Variants in RPS6KA2 observed in about 807,000 individuals in gnomAD.
The protein encoded by RPS6KA2 is ribosomal protein S6 kinase A2, also known as ribosomal protein S6 kinase alpha-2.
RPS6KA2 carries 42 observed loss-of-function variants against 91.8 expected under a neutral mutation model. The observed-to-expected ratio is 0.46, with a 90% confidence interval of 0.36 to 0.59. RPS6KA2 has a LOEUF of 0.59. Ranked by LOEUF, RPS6KA2 falls within the 20% of genes least tolerant of loss-of-function variation. The pLI is 0.00. For missense variants in RPS6KA2, 798 were observed against 978.5 expected, an observed-to-expected ratio of 0.82 and a Z score of 2.46; for synonymous variants, 414 against 393.6, an observed-to-expected ratio of 1.05 and a Z score of -0.61.
chr6:166,572,978 G>C (rs1291179001), intron 1 of RPS6KA2, among the ~76,000 whole-genome samples: 1 of 152,246 alleles, frequency 6.6e-6, no homozygotes, highest in Non-Finnish European at 1.5e-5. Flanking sequence ...CGGAGCACAG[G>C]AAAGGAAGAG....
At chr6:166,833,941 C>T (rs142206993) in intron 2 of RPS6KA2, among the ~76,000 whole-genome samples, 24 of 151,306 alleles carry the variant, frequency 1.6e-4, no homozygotes, top group African/African-American at 5.3e-4. Flanking sequence ...ACTATGTTGA[C>T]CAGGCTGGTC....
At chr6:166,602,661 G>A (rs1785788372) in intron 1 of RPS6KA2, among the ~76,000 whole-genome samples, 1 of 152,202 alleles carries the variant, frequency 6.6e-6, no homozygotes, top group Non-Finnish European at 1.5e-5. Flanking sequence ...ACAATACAGT[G>A]TTTAGGATAC....
intron 3 of RPS6KA2, among the ~76,000 whole-genome samples, chr6:166,516,940 TA>T (rs1782667121): frequency 1.3e-5 from 2 of 152,172 alleles, no homozygotes; most frequent in Non-Finnish European, 2.9e-5. Flanking sequence ...ATCCTCTAAA[TA>T]GGACTGATGT....
intron 2 of RPS6KA2, among the ~76,000 whole-genome samples, chr6:166,704,854 A>G (rs1789631255): frequency 6.6e-6 from 1 of 152,156 alleles, no homozygotes; most frequent in African/African-American, 2.4e-5. Context: ...TCCTTATTAC[A>G]GTAAAGTTCT....
At position 166,434,218 on chromosome 6, in the gene RPS6KA2, G is replaced by A. The variant is rs576540801; in HGVS notation, c.1333-1728C>T. 5.9e-5 allele frequency among the ~76,000 whole-genome samples: 9 copies of A among 152,104 alleles called. No individual in the cohort carries two copies. The highest frequency in any genetic ancestry group is 5.9e-5 in the Non-Finnish European group (4 of 68,028). ...ATAGTTTCAAAGGATGCTCTGCCAC[G>A]GCCACCATTCAGCTGTGACTGCATC... On this transcript the variant is annotated intron_variant, in intron 14 of 20. Coordinates refer to ENST00000265678, the MANE Select transcript of RPS6KA2 (RefSeq NM_021135.6). The surrounding 1 kb of genome is among the most constrained non-coding windows in gnomAD (Gnocchi z 4.4).
At chr6:166,461,979 G>A (rs1369053092) in intron 11 of RPS6KA2, among the ~76,000 whole-genome samples, 3 of 152,220 alleles carry the variant, frequency 2.0e-5, no homozygotes, top group Non-Finnish European at 2.9e-5. Flanking sequence ...ACTGCTGGCT[G>A]CCACACCTGT....
intron 2 of RPS6KA2, among the ~76,000 whole-genome samples, chr6:166,637,619 G>T (rs971549347): frequency 8.5e-5 from 13 of 152,382 alleles, no homozygotes; most frequent in Non-Finnish European, 1.8e-4. Flanking sequence ...AGAACTTAAA[G>T]TCAGTGTGGG....
At chr6:166,617,674 C>T (rs979318009) in intron 1 of RPS6KA2, among the ~76,000 whole-genome samples, 7 of 152,186 alleles carry the variant, frequency 4.6e-5, no homozygotes, top group African/African-American at 1.7e-4. Flanking sequence ...AATTTAGGCA[C>T]GTAGTGAATA....
chr6:166,605,188 T>C (rs1486110215), intron 1 of RPS6KA2, among the ~76,000 whole-genome samples: 1 of 152,220 alleles, frequency 6.6e-6, no homozygotes, highest in African/African-American at 2.4e-5. Flanking sequence ...GGGCCTTGGG[T>C]GTTGCCAGTA....
intron 2 of RPS6KA2, among the ~76,000 whole-genome samples, chr6:166,775,531 C>T (rs183779361): frequency 1.8e-4 from 28 of 152,328 alleles, no homozygotes; most frequent in Non-Finnish European, 4.4e-5. Context: ...CTAATTTACA[C>T]AGGGTCCACG....
At chr6:166,503,744 G>C (rs1782100881) in intron 6 of RPS6KA2, among the ~76,000 whole-genome samples, 2 of 152,162 alleles carry the variant, frequency 1.3e-5, no homozygotes, top group Non-Finnish European at 2.9e-5. Context: ...TTATGTGTCA[G>C]GTCTACAAAG....
intron 1 of RPS6KA2, among the ~76,000 whole-genome samples, chr6:166,572,070 C>A (rs11752048): frequency 0.025 from 3,857 of 152,194 alleles, 54 homozygotes; most frequent in Non-Finnish European, 0.038. Context: ...CACTATAATA[C>A]TCAGTTTCAT....
chr6:166,677,261 C>T (rs904344304), intron 2 of RPS6KA2, among the ~76,000 whole-genome samples: 1 of 152,092 alleles, frequency 6.6e-6, no homozygotes, highest in East Asian at 1.9e-4. Flanking sequence ...AGAGGCAGAA[C>T]CGCCTGATTC....
chr6:166,691,783 C>G (rs984881194), intron 2 of RPS6KA2, among the ~76,000 whole-genome samples: 3 of 152,204 alleles, frequency 2.0e-5, no homozygotes, highest in Non-Finnish European at 2.9e-5. Flanking sequence ...TACAAAAGAA[C>G]AATGCTAACT....
chr6:166,726,026 G>A lies in RPS6KA2; in HGVS notation c.123+132174C>T, dbSNP rs762006033. On this transcript the variant is annotated intron_variant, in intron 2 of 21. Transcript: ENST00000503859. This position sits in a 1 kb window ranked among gnomAD's most constrained non-coding sequence, Gnocchi z 4.4. The stretch of plus-strand genomic sequence containing the variant: ...AGCTGATCAGAAAAGATTGTTTTCA[G>A]GCCAAGAGTAAGATGTAAGAATGTG... Among the ~76,000 whole-genome samples the A allele has an allele frequency of 2.0e-5, 3 of 152,220 alleles. No individual in the cohort carries two copies. Among genetic ancestry groups the A allele is most frequent in the Non-Finnish European group, 2.9e-5 (2 of 68,034 alleles).
Position 166,665,888 on chromosome 6 carries a change from C to A in RPS6KA2, c.124-127104G>T, listed in dbSNP as rs1788301965. On this transcript the variant is annotated intron_variant, in intron 2 of 21. Coordinates refer to the RPS6KA2 transcript ENST00000503859. The surrounding 1 kb of genome is among the most constrained non-coding windows in gnomAD (Gnocchi z 4.5). ...TCTGCTCAGCACGGCCCCCAGCCTG[C>A]TTCCTGGGCAGGAAATTCACATGTG... Among the ~76,000 whole-genome samples the A allele has an allele frequency of 6.6e-6, 1 of 152,212 alleles. No individual in the cohort carries two copies. Among genetic ancestry groups the A allele is most frequent in the Non-Finnish European group, 1.5e-5 (1 of 68,046 alleles).
chr6:166,651,231 A>T (rs1438993238), intron 2 of RPS6KA2, among the ~76,000 whole-genome samples: 1 of 152,250 alleles, frequency 6.6e-6, no homozygotes, highest in African/African-American at 2.4e-5. Context: ...AGCAGAACAT[A>T]TTCTCTACTT....
chr6:166,630,419 T>C (rs891007980), upstream of RPS6KA2, among the ~76,000 whole-genome samples: 1 of 152,268 alleles, frequency 6.6e-6, no homozygotes, highest in African/African-American at 2.4e-5. Context: ...TAAATTGCAC[T>C]TCAAGTGAAA....
intron 2 of RPS6KA2, among the ~76,000 whole-genome samples, chr6:166,692,234 GAGAAA>G (rs1361341090): frequency 6.6e-6 from 1 of 152,114 alleles, no homozygotes; most frequent in Admixed American, 6.5e-5. Context: ...AGGCGATAGA[GAGAAA>G]AGAAAAGTAA....
Sources: allele counts gnomAD v4.1 joint callset (sites outside exome capture counted in the v4.1 genomes callset), GRCh38; gene constraint gnomAD v4.1.1; non-coding constraint Gnocchi (gnomAD v3.1); transcripts MANE v1.5; gene names NCBI Gene and HGNC (gene_info 2026-07-23, HGNC 2026-07-21).